The following IGFL2 variants were observed in gnomAD, a reference collection of about 807,000 sequenced individuals.
IGFL2 encodes the protein insulin growth factor-like family member 2.
Under a neutral mutation model 13.9 loss-of-function variants are expected in IGFL2, and 7 were observed. That is an observed-to-expected ratio of 0.51 (90% CI 0.29 to 0.95). The LOEUF (loss-of-function observed/expected upper bound fraction) is 0.95, where lower values mean the gene tolerates loss of function less well. Ranked by LOEUF, IGFL2 falls within the 40% of genes least tolerant of loss-of-function variation. The pLI, the probability that IGFL2 is intolerant of heterozygous loss-of-function variation, is 0.08. For synonymous variants in IGFL2, 55 were observed against 55.8 expected, an observed-to-expected ratio of 0.99 and a Z score of 0.07; for missense variants, 138 against 147.8, an observed-to-expected ratio of 0.93 and a Z score of 0.34.
upstream of IGFL2, among the ~76,000 whole-genome samples, chr19:46,147,449 A>G (rs535002535): frequency 2.0e-4 from 30 of 152,206 alleles, no homozygotes; most frequent in South Asian, 4.1e-4. Context: ...TATTCTTATC[A>G]GCTTGCCTGA....
At chr19:46,145,600 A>ATGTGTGTGTGTG (rs1024196099), upstream of IGFL2, among the ~76,000 whole-genome samples, 442 of 94,552 alleles carry the variant, frequency 4.7e-3, 3 homozygotes, top group African/African-American at 9.8e-3. Flanking sequence ...ACTCATATAT[A>ATGTGTGTGTGTG]TGTGTGTGTG....
the IGFL2 span, among the ~76,000 whole-genome samples, chr19:46,176,526 C>G: frequency 6.6e-6 from 1 of 152,170 alleles, no homozygotes; most frequent in Non-Finnish European, 1.5e-5. Flanking sequence ...AGGCCACAGG[C>G]CTGACATACA....
At chr19:46,123,203 T>A in the IGFL2 span, among the ~76,000 whole-genome samples, 1 of 150,860 alleles carries the variant, frequency 6.6e-6, no homozygotes, top group Non-Finnish European at 1.5e-5. Flanking sequence ...AGGACAGATA[T>A]TTAGCCAGAG....
At chr19:46,086,510 G>A in the IGFL2 span, among the ~76,000 whole-genome samples, 32 of 152,198 alleles carry the variant, frequency 2.1e-4, no homozygotes, top group Admixed American at 4.6e-4. Flanking sequence ...TTTTAGTAGA[G>A]ACAGGGTTCC....
the IGFL2 span, among the ~76,000 whole-genome samples, chr19:46,084,637 A>G: frequency 2.6e-5 from 4 of 152,192 alleles, no homozygotes; most frequent in African/African-American, 9.7e-5. Flanking sequence ...CAGAAGGCAC[A>G]GTGGGAGCAG....
the IGFL2 span, among the ~76,000 whole-genome samples, chr19:46,105,254 G>A: frequency 6.6e-6 from 1 of 152,218 alleles, no homozygotes; most frequent in Admixed American, 6.5e-5. Context: ...TTTAGAGTCT[G>A]TATAAATATT....
chr19:46,117,724 C>A, the IGFL2 span, among the ~76,000 whole-genome samples: 2 of 152,072 alleles, frequency 1.3e-5, no homozygotes, highest in Admixed American at 1.3e-4. Context: ...CGTGATCCAC[C>A]CACCTTAGCC....
the IGFL2 span, among the ~76,000 whole-genome samples, chr19:46,176,512 A>C: frequency 1.3e-5 from 2 of 152,168 alleles, no homozygotes; most frequent in Non-Finnish European, 2.9e-5. Context: ...ACCCTCAACC[A>C]CTAAGGCCAC....
At chr19:46,179,351 G>C in the IGFL2 span, 1 of 157,562 alleles carries the variant, frequency 6.3e-6, no homozygotes, top group Non-Finnish European at 1.4e-5. Context: ...TAGGGTGGGG[G>C]GGGTCTGTGA....
the IGFL2 span, among the ~76,000 whole-genome samples, chr19:46,172,780 C>T: frequency 5.9e-5 from 9 of 152,050 alleles, no homozygotes; most frequent in Admixed American, 3.9e-4. Flanking sequence ...TGCAGTGGTG[C>T]GATCTTGGCT....
chr19:46,117,769 G>C, the IGFL2 span, among the ~76,000 whole-genome samples: 1 of 152,104 alleles, frequency 6.6e-6, no homozygotes, highest in African/African-American at 2.4e-5. Flanking sequence ...GTGAGCCACC[G>C]CGCCCGGACT....
the IGFL2 span, among the ~76,000 whole-genome samples, chr19:46,132,754 A>AG: frequency 2.0e-5 from 3 of 150,614 alleles, no homozygotes; most frequent in Non-Finnish European, 4.4e-5. Flanking sequence ...AAGAAAGGGA[A>AG]GGAGGGAGAA....
At chr19:46,210,464 T>C in the IGFL2 span, among the ~76,000 whole-genome samples, 1 of 152,200 alleles carries the variant, frequency 6.6e-6, no homozygotes, top group Admixed American at 6.5e-5. Context: ...AATTTATATA[T>C]ATATATGAGT....
chr19:46,165,862 C>T (rs2146907879), downstream of IGFL2, among the ~76,000 whole-genome samples: 1 of 152,342 alleles, frequency 6.6e-6, no homozygotes, highest in East Asian at 1.9e-4. Flanking sequence ...ATAGCTGGTC[C>T]ATCTTTAAGG....
chr19:46,167,181 T>A, the IGFL2 span, among the ~76,000 whole-genome samples: 1 of 152,234 alleles, frequency 6.6e-6, no homozygotes, highest in Non-Finnish European at 1.5e-5. Context: ...CAATCCACGT[T>A]CTTCTGTCAT....
the IGFL2 span, among the ~76,000 whole-genome samples, chr19:46,200,012 G>A: frequency 6.6e-6 from 1 of 152,106 alleles, no homozygotes; most frequent in African/African-American, 2.4e-5. Context: ...GAGTAGCTGG[G>A]ATTACAAGCA....
upstream of IGFL2, among the ~76,000 whole-genome samples, chr19:46,146,504 G>T (rs372994861): frequency 1.5e-3 from 230 of 152,050 alleles, no homozygotes; most frequent in African/African-American, 5.4e-3. Context: ...ATCCTGCTTG[G>T]GTTTGATTGG....
At chr19:46,142,059 C>T (rs1265196670), upstream of IGFL2, among the ~76,000 whole-genome samples, 1 of 152,080 alleles carries the variant, frequency 6.6e-6, no homozygotes, top group Non-Finnish European at 1.5e-5. Flanking sequence ...CTTTAGGGAC[C>T]CAGGTACACC....
At chr19:46,107,301 C>T in the IGFL2 span, among the ~76,000 whole-genome samples, 19 of 152,256 alleles carry the variant, frequency 1.2e-4, no homozygotes, top group East Asian at 3.3e-3. Context: ...GATCGGGCAG[C>T]GTCAGTCTTC....
Sources: gnomAD v4.1 joint callset for allele counts (sites outside exome capture counted in the v4.1 genomes callset) on GRCh38, gnomAD v4.1.1 for gene constraint, MANE v1.5 for transcripts, NCBI Gene and HGNC (gene_info 2026-07-23, HGNC 2026-07-21) for gene names.